GC: variants seen among roughly 807,000 people sequenced by gnomAD.
GC encodes the protein vitamin D-binding protein.
Under a neutral mutation model 56.7 loss-of-function variants are expected in GC, and 43 were observed. The ratio of observed to expected loss-of-function variants is 0.76; its 90% CI spans 0.59 to 0.98. The LOEUF (loss-of-function observed/expected upper bound fraction) is 0.98, where lower values mean the gene tolerates loss of function less well. Ranked by LOEUF, GC falls within the 50% of genes least tolerant of loss-of-function variation. The pLI is 0.00. For missense variants in GC, 529 were observed against 545.9 expected (o/e 0.97, Z 0.31); for synonymous variants, 216 against 202.7 (o/e 1.07, Z -0.56).
chr4:71,764,085 G>T, intron 4 of GC, 149 bp from the exon 5 acceptor site: 1 of 608,566 alleles, frequency 1.6e-6, no homozygotes, highest in East Asian at 2.8e-5. Context: ...GGCCTCAAGC[G>T]ATCCTCCTGC....
At position 71,769,321 on chromosome 4, in the gene GC, G is replaced by C. The variant is rs1276460546; in HGVS notation, c.128+10C>G. 1 of 1,586,598 alleles carries C rather than the reference G, an allele frequency of 6.3e-7. No homozygotes were observed. Among genetic ancestry groups the C allele is most frequent in the Admixed American group, 1.7e-5 (1 of 59,916 alleles). ...ATCACCAACAGAGTGAGTGGCTGCT[G>C]CACACTTACAGAGATGTGAAGTCCT... On this transcript the variant is annotated intron_variant, in intron 2 of 12. Coordinates refer to ENST00000273951, the MANE Select transcript of GC (RefSeq NM_000583.4).
In GC at chr4:71,765,816, G is replaced by A. The variant is rs146104792; in HGVS notation, c.262-173C>T. On this transcript the variant is annotated intron_variant, in intron 3 of 12. Coordinates refer to ENST00000273951, the MANE Select transcript of GC (RefSeq NM_000583.4). ...TAACATGACAAGTTGTGTGATTATC[G>A]GCAAGTATAGGATCTTATTTATGTT... is the stretch of plus-strand genomic sequence containing the variant. 3.3e-5 allele frequency among the ~76,000 whole-genome samples: 5 copies of A among 152,158 alleles called. No individual in the cohort carries two copies. In the South Asian group the frequency reaches 6.2e-4, roughly 19 times the overall value.
intron 1 of GC, among the ~76,000 whole-genome samples, chr4:71,789,630 T>G (rs1165737932): frequency 6.6e-6 from 1 of 151,946 alleles, no homozygotes; most frequent in Admixed American, 6.6e-5. Flanking sequence ...AAAGGCAGAA[T>G]AATGGCCGAC....
At chr4:71,799,508 T>C (rs1244672249) in intron 1 of GC, among the ~76,000 whole-genome samples, 1 of 152,178 alleles carries the variant, frequency 6.6e-6, no homozygotes, top group Non-Finnish European at 1.5e-5. Context: ...TGAGATTATT[T>C]AAATCCTGAT....
intron 6 of GC, among the ~76,000 whole-genome samples, chr4:71,760,553 A>T (rs1160856198): frequency 6.6e-6 from 1 of 152,208 alleles, no homozygotes; most frequent in Non-Finnish European, 1.5e-5. Context: ...ATCAAAATTA[A>T]AATACAAGTT....
chr4:71,784,313 G>A, upstream of GC: 1 of 1,086,380 alleles, frequency 9.2e-7, no homozygotes, highest in South Asian at 3.9e-5. Context: ...AAGAGCCAAG[G>A]TATATAGATT....
intron 6 of GC, chr4:71,759,544 A>G (rs1741895861): frequency 2.0e-5 from 3 of 152,226 alleles, no homozygotes; most frequent in Admixed American, 2.0e-4. Flanking sequence ...TTATTATACT[A>G]ACTAGGCCTG....
In GC at chr4:71,758,169, T is replaced by C. The variant is rs776015810; in HGVS notation, c.704A>G (p.Asn235Ser). ...CACTTTTTGGGCTAACTTTATGAGA[T>C]TGCTAAACAGTTAAAAATAAATATG... is the stretch of plus-strand genomic sequence containing the variant. ...AYGEKKSRLS[N>S]LIKLAQKVPT... The change falls in exon 7 of 13, where the codon AAT becomes AGT. Residue 235 changes from asparagine (N) to serine (S), a missense_variant and splice_region_variant. Physicochemically the swap from Asn to Ser is conservative, Grantham distance 46. Transcript: ENST00000273951. 1.9e-6 allele frequency: 3 copies of C among 1,611,668 alleles called. No individual in the cohort carries two copies. The highest frequency in any genetic ancestry group is 2.5e-6 in the Non-Finnish European group (3 of 1,178,654).
chr4:71,763,836 A>T lies in GC; in HGVS notation c.574T>A (p.Ser192Thr). Reference sequence around the variant, plus strand: ...AAAAAGCATACAGTTGGGCTTGCAGAGGTACAGCAGGACCCTACCATAGAA... The same window carrying T: ...AAAAAGCATACAGTTGGGCTTGCAGTGGTACAGCAGGACCCTACCATAGAA... ...YLSMVGSCCT[S>T]ASPTVCFLKE... The change falls in exon 5 of 13, where the codon TCT (serine) becomes ACT (threonine). Residue 192 changes from serine to threonine, a missense_variant. Coordinates refer to ENST00000273951, the MANE Select transcript of GC (RefSeq NM_000583.4). The T allele has an allele frequency of 6.2e-7, 1 of 1,612,840 alleles. No individual in the cohort carries two copies. Among genetic ancestry groups the T allele is most frequent in the Non-Finnish European group, 8.5e-7 (1 of 1,178,866 alleles).
intron 12 of GC, 103 bp downstream of exon 12, chr4:71,746,048 A>G: frequency 1.5e-6 from 1 of 648,884 alleles, no homozygotes; most frequent in Non-Finnish European, 2.8e-6. Context: ...GAGTTTGAAC[A>G]GATAAGAATA....
rs532146906 is a variant in GC at position 71,800,814 on chromosome 4, C to T, written c.21+3112G>A. Among the ~76,000 whole-genome samples the T allele has an allele frequency of 7.2e-5, 11 of 152,254 alleles. No individual in the cohort carries two copies. The East Asian group carries it at 1.7e-3, about 24-fold the overall frequency. On this transcript the variant is annotated intron_variant, in intron 1 of 13. Transcript: ENST00000504199. The stretch of plus-strand genomic sequence containing the variant: ...GGTATCTCATTGTGATTTTGATTTG[C>T]ATTTCTCTAATGATCAGACACTTTA...
intron 12 of GC, among the ~76,000 whole-genome samples, chr4:71,745,750 C>T (rs1741343529): frequency 6.6e-6 from 1 of 152,096 alleles, no homozygotes; most frequent in South Asian, 2.1e-4. Flanking sequence ...GTATTGTTTT[C>T]ATTTGAATAA....
At chr4:71,766,340 T>A (rs1220716066) in intron 3 of GC, among the ~76,000 whole-genome samples, 1 of 152,184 alleles carries the variant, frequency 6.6e-6, no homozygotes, top group African/African-American at 2.4e-5. Flanking sequence ...CAGTGTAGGT[T>A]GAAAACCACT....
chr4:71,746,880 A>G (rs567331370), intron 11 of GC, among the ~76,000 whole-genome samples: 3 of 151,616 alleles, frequency 2.0e-5, no homozygotes, highest in South Asian at 4.2e-4. Flanking sequence ...TGACCTCAGT[A>G]TAGAGATGGG....
At chr4:71,794,004 G>T (rs1163515614) in intron 1 of GC, among the ~76,000 whole-genome samples, 1 of 152,204 alleles carries the variant, frequency 6.6e-6, no homozygotes, top group African/African-American at 2.4e-5. Flanking sequence ...CAGGGATGAA[G>T]CCAGCTTGAT....
chr4:71,746,081 A>T, intron 12 of GC, 70 bp downstream of exon 12: 7 of 717,998 alleles, frequency 9.7e-6, no homozygotes, highest in Non-Finnish European at 2.5e-6. Context: ...TCTCCTTCCC[A>T]TTCTTTGATA....
chr4:71,792,436 A>C (rs111854791), intron 1 of GC, among the ~76,000 whole-genome samples: 1 of 150,656 alleles, frequency 6.6e-6, no homozygotes, highest in African/African-American at 2.4e-5. Context: ...GCATTTTTTC[A>C]TGTTGACTGC....
chr4:71,802,149 T>C (rs1743267379), intron 1 of GC, among the ~76,000 whole-genome samples: 1 of 152,232 alleles, frequency 6.6e-6, no homozygotes, highest in African/African-American at 2.4e-5. Context: ...ATTATGTGAA[T>C]AGCATCATTA....
chr4:71,768,313 G>A lies in GC; in HGVS notation c.249C>T (p.Cys83=). Residue 83 remains cysteine (C), a synonymous_variant, in exon 3 of 13, where the codon TGC becomes TGT. Coordinates refer to ENST00000273951, the MANE Select transcript of GC (RefSeq NM_000583.4). ...ACCAEGADPD[C]YDTRTSALSA... is the part of the protein sequence containing the mutation. ...CACAGAAACCTACCCTGGTGTCATA[G>A]CAGTCAGGGTCAGCCCCTTCCGCAC... is the stretch of plus-strand genomic sequence containing the variant. 6.2e-7 allele frequency: 1 copy of A among 1,607,166 alleles called. No individual in the cohort carries two copies. Among genetic ancestry groups the A allele is most frequent in the South Asian group, 1.1e-5 (1 of 89,972 alleles).
Sources: allele counts gnomAD v4.1 joint callset (sites outside exome capture counted in the v4.1 genomes callset), GRCh38; gene constraint gnomAD v4.1.1; transcripts MANE v1.5; gene names NCBI Gene and HGNC (gene_info 2026-07-23, HGNC 2026-07-21).